ZNF492: variants seen among roughly 807,000 people sequenced by gnomAD.
ZNF492 encodes the protein zinc finger protein 492.
ZNF492 carries 3 observed loss-of-function variants against 6.4 expected under a neutral mutation model. That is an observed-to-expected ratio of 0.47 (90% CI 0.21 to 1.22). The LOEUF (loss-of-function observed/expected upper bound fraction) is 1.22, where lower values mean the gene tolerates loss of function less well. ZNF492 is among the 50% of genes most tolerant of loss of function. The probability of loss-of-function intolerance (pLI) is 0.22; values close to 1 mark genes in which losing one functional copy is unlikely to be tolerated. For missense variants in ZNF492, 356 were observed against 612.5 expected (o/e 0.58, Z 4.42); for synonymous variants, 112 against 205.3 (o/e 0.55, Z 3.89).
intron 1 of ZNF492, among the ~76,000 whole-genome samples, chr19:22,636,554 G>T (rs1290818073): frequency 6.7e-6 from 1 of 149,298 alleles, no homozygotes; most frequent in Admixed American, 6.6e-5. Context: ...GTTTGTGTGT[G>T]TGCGTGTGTG....
In ZNF492 at chr19:22,634,454, C is replaced by G. The variant is rs539589307; in HGVS notation, c.-114C>G. The G allele has an allele frequency of 7.2e-7, 1 of 1,381,416 alleles. No homozygotes were observed. The highest frequency in any genetic ancestry group is 1.0e-6 in the Non-Finnish European group (1 of 985,342). The allele number at this position is 1,381,416 out of a possible 1,614,324, so 85.6% of individuals were successfully genotyped here. On this transcript the variant is annotated 5_prime_UTR_variant, in exon 1 of 4. Transcript: ENST00000456783. ...GAGATCCACAGCTAAGACGCTAGGA[C>G]CCCCTGGAAGCCTAGAAACGGTGAG...
rs1971838013 is a variant in ZNF492, at chr19:22,642,482, C to T, written c.-94+8008C>T. Among the ~76,000 whole-genome samples the T allele has an allele frequency of 1.5e-5, 2 of 132,926 alleles. 1 individual carries two copies. Among genetic ancestry groups the T allele is most frequent in the African/African-American group, 6.6e-5 (2 of 30,452 alleles). 87.2% of individuals were successfully genotyped at this position (132,926 alleles called of 152,430 possible). ...TTGGCTCACTGCAAGCTCTGCCTCC[C>T]GGGTTCACGCCATTCTGCTGCCTCA... On this transcript the variant is annotated intron_variant, in intron 1 of 3. Transcript: ENST00000456783.
intron 3 of ZNF492, among the ~76,000 whole-genome samples, chr19:22,658,279 A>C (rs1972017526): frequency 6.6e-6 from 1 of 151,450 alleles, no homozygotes; most frequent in African/African-American, 2.4e-5. Flanking sequence ...AAACTTAGCC[A>C]GACATGGTGA....
intron 1 of ZNF492, among the ~76,000 whole-genome samples, chr19:22,638,747 G>C (rs1971793158): frequency 1.3e-5 from 2 of 151,928 alleles, no homozygotes; most frequent in African/African-American, 2.4e-5. Flanking sequence ...TTGTTTTTTA[G>C]CTCTGTTAAG....
chr19:22,665,039 C>T lies in ZNF492; in HGVS notation c.1370C>T (p.Ala457Val). The T allele has an allele frequency of 6.3e-7, 1 of 1,591,474 alleles. No homozygotes were observed. Residue 457 changes from alanine (A) to valine (V), a missense_variant, in exon 4 of 4, where the codon GCT (alanine) becomes GTT (valine). Transcript: ENST00000456783. ...TACAAATATGAAGAATGTGGCAAAGCTTTTAACCAGTCCTCACACCTTACT... is the reference window on the plus strand; with the variant it reads ...TACAAATATGAAGAATGTGGCAAAGTTTTTAACCAGTCCTCACACCTTACT... The part of the protein sequence containing the change: ...KPYKYEECGK[A>V]FNQSSHLTTH...
chr19:22,647,522 C>T (rs1039139783), intron 1 of ZNF492, among the ~76,000 whole-genome samples: 2 of 151,548 alleles, frequency 1.3e-5, no homozygotes, highest in Admixed American at 6.6e-5. Context: ...TCTCGGCCTC[C>T]CAAAGTGCTG....
At chr19:22,661,844 A>G (rs1972061792) in intron 3 of ZNF492, among the ~76,000 whole-genome samples, 1 of 152,034 alleles carries the variant, frequency 6.6e-6, no homozygotes, top group East Asian at 1.9e-4. Flanking sequence ...TGATCCTCCC[A>G]CCTTGGCCGC....
intron 1 of ZNF492, among the ~76,000 whole-genome samples, chr19:22,638,421 T>C (rs1434584860): frequency 6.6e-6 from 1 of 152,180 alleles, no homozygotes; most frequent in African/African-American, 2.4e-5. Context: ...CCAGTTTCAA[T>C]CTTCTACATA....
chr19:22,662,778 G>A (rs1206103677), intron 3 of ZNF492, among the ~76,000 whole-genome samples: 1 of 151,290 alleles, frequency 6.6e-6, no homozygotes, highest in African/African-American at 2.4e-5. Context: ...TTTTGATGGG[G>A]TTGTTAGTTT....
At chr19:22,662,879 T>C (rs1013294748) in intron 3 of ZNF492, among the ~76,000 whole-genome samples, 11 of 152,258 alleles carry the variant, frequency 7.2e-5, no homozygotes, top group Admixed American at 2.6e-4. Context: ...TCCCATTCTG[T>C]AGGTTGCCTG....
rs376940044 is a variant in ZNF492, at chr19:22,657,505, T to C, written c.130+3490T>C. Among the ~76,000 whole-genome samples the C allele has an allele frequency of 7.4e-4, 112 of 152,180 alleles. 1 individual carries two copies. The highest frequency in any genetic ancestry group is 2.6e-3 in the African/African-American group (108 of 41,484). On this transcript the variant is annotated intron_variant, in intron 3 of 3. Coordinates refer to ENST00000456783, the MANE Select transcript of ZNF492 (RefSeq NM_020855.3). ...GATTATACTGCATTTTATCTGAAAC[T>C]TTTACTGCATTACAGTGCATGCCAA...
At chr19:22,657,597 T>C (rs12985141) in intron 3 of ZNF492, among the ~76,000 whole-genome samples, 4,350 of 152,170 alleles carry the variant, frequency 0.029, 75 homozygotes, top group East Asian at 0.075. Context: ...TCTACACAAA[T>C]TCTTTGTTAA....
Position 22,659,698 on chromosome 19 carries a change from C to T in ZNF492, c.131-4102C>T, listed in dbSNP as rs569805199. On this transcript the variant is annotated intron_variant, in intron 3 of 3. Coordinates refer to ENST00000456783, the MANE Select transcript of ZNF492 (RefSeq NM_020855.3). Reference sequence around the variant, plus strand: ...TTTTTTTTTTTGAGACAGAGTCTCACTCTGTGTCCCAGGCTGGAGTGCAGT... The same window carrying T: ...TTTTTTTTTTTGAGACAGAGTCTCATTCTGTGTCCCAGGCTGGAGTGCAGT... Among the ~76,000 whole-genome samples the T allele has an allele frequency of 1.6e-3, 232 of 142,500 alleles. 3 individuals carry two copies. Among genetic ancestry groups the T allele is most frequent in the African/African-American group, 5.8e-3 (224 of 38,692 alleles). The allele number at this position is 142,500 out of a possible 152,430, so 93.5% of individuals were successfully genotyped here. A position where few individuals can be genotyped will look rare whatever the true frequency, so the allele number is the denominator to read the frequency against.
chr19:22,662,413 T>C (rs1341153207), intron 3 of ZNF492, among the ~76,000 whole-genome samples: 1 of 152,254 alleles, frequency 6.6e-6, no homozygotes. Flanking sequence ...TGTGTCCTTA[T>C]AGTAGCATGA....
At chr19:22,642,579 C>T (rs1244998295) in intron 1 of ZNF492, among the ~76,000 whole-genome samples, 7 of 151,106 alleles carry the variant, frequency 4.6e-5, no homozygotes, top group South Asian at 2.1e-4. Context: ...TTAGTAGAGA[C>T]GGGGTTTCAC....
rs777750378 is a variant in ZNF492 at position 22,647,257 on chromosome 19, G to GTTTT, written c.-93-6048_-93-6047insTTTT. Among the ~76,000 whole-genome samples the GTTTT allele has an allele frequency of 2.4e-3, 336 of 140,274 alleles. 3 individuals carry two copies. The highest frequency in any genetic ancestry group is 7.9e-3 in the African/African-American group (283 of 35,866). The allele number at this position is 140,274 out of a possible 152,430, so 92.0% of individuals were successfully genotyped here. A position where few individuals can be genotyped will look rare whatever the true frequency, so the allele number is the denominator to read the frequency against. Reference sequence around the variant, plus strand: ...GTTTTTTTTTGTTTGTTTGTTTGTTGTTGTTTTTTTTTTTTTTAGGCAGAG... The same window carrying GTTTT: ...GTTTTTTTTTGTTTGTTTGTTTGTTGTTTTTTGTTTTTTTTTTTTTTAGGCAGAG... On this transcript the variant is annotated intron_variant, in intron 1 of 3. Transcript: ENST00000456783.
intron 1 of ZNF492, among the ~76,000 whole-genome samples, chr19:22,642,384 C>CTTTTTT (rs869202400): frequency 2.0e-3 from 169 of 85,442 alleles, no homozygotes; most frequent in Middle Eastern, 0.01. Context: ...AACCTTTTGT[C>CTTTTTT]TTTTTTTTTT....
intron 1 of ZNF492, 50 bp downstream of exon 1, chr19:22,634,524 A>G (rs1007483568): frequency 7.3e-7 from 1 of 1,365,950 alleles, no homozygotes; most frequent in Non-Finnish European, 1.0e-6. Context: ...GGCTGGTTGG[A>G]ACCGGTGGCA....
intron 1 of ZNF492, among the ~76,000 whole-genome samples, chr19:22,637,375 T>C (rs58265266): frequency 0.19 from 29,305 of 151,752 alleles, 3,650 homozygotes; most frequent in African/African-American, 0.36. Context: ...ACTGCAGCCT[T>C]AACCTCCCAG....
Sources: allele counts gnomAD v4.1 joint callset (sites outside exome capture counted in the v4.1 genomes callset), GRCh38; gene constraint gnomAD v4.1.1; transcripts MANE v1.5; gene names NCBI Gene and HGNC (gene_info 2026-07-23, HGNC 2026-07-21).